Variants in ITGA8 observed in about 807,000 individuals in gnomAD.
ITGA8 encodes integrin alpha-8.
Under a neutral mutation model 142.3 loss-of-function variants are expected in ITGA8, and 91 were observed. That is an observed-to-expected ratio of 0.64 (90% confidence interval 0.54 to 0.76). The LOEUF (loss-of-function observed/expected upper bound fraction) is 0.76, where lower values mean the gene tolerates loss of function less well. Ranked by LOEUF, ITGA8 falls within the 30% of genes least tolerant of loss-of-function variation. ITGA8 has a pLI of 0.00. For synonymous variants in ITGA8, 505 were observed against 485.2 expected, an observed-to-expected ratio of 1.04 and a Z score of -0.54; for missense variants, 1,406 against 1,327.7, an observed-to-expected ratio of 1.06 and a Z score of -0.92.
chr10:15,652,104 A>G (rs912707963), intron 11 of ITGA8, among the ~76,000 whole-genome samples: 2 of 152,250 alleles, frequency 1.3e-5, no homozygotes, highest in African/African-American at 4.8e-5. Context: ...TTACTTTATA[A>G]CAGTTCTGTG....
chr10:15,657,044 CATAG>C (rs1564395077), intron 10 of ITGA8, among the ~76,000 whole-genome samples: 1 of 152,174 alleles, frequency 6.6e-6, no homozygotes, highest in Non-Finnish European at 1.5e-5. Context: ...CTGTTCCAAA[CATAG>C]ATAGTGAAAT....
In ITGA8 at chr10:15,606,415, G is replaced by T. The variant is rs762326634; in HGVS notation, c.1772C>A (p.Thr591Asn). 6.3e-7 allele frequency: 1 copy of T among 1,590,124 alleles called. No individual in the cohort carries two copies. The highest frequency in any genetic ancestry group is 1.7e-5 in the Admixed American group (1 of 59,470). ...QDFIVYLRDE[T>N]EFRDKLSPIN... ...TGGAGATAATTTATCTCGGAATTCA[G>T]TTTCATCCTAGGAAAAATAATCACA... Residue 591 changes from threonine to asparagine, a missense_variant, in exon 18 of 30, where the codon ACT becomes AAT. Thr to Asn is a moderately conservative substitution (Grantham distance 65). Transcript: ENST00000378076.
At position 15,517,030 on chromosome 10, in the gene ITGA8, C is replaced by CATTAAA; in HGVS notation, c.*127_*128insTTTAAT. On this transcript the variant is annotated 3_prime_UTR_variant, in exon 30 of 30. Coordinates refer to ENST00000378076, the MANE Select transcript of ITGA8 (RefSeq NM_003638.3). ...GTGCGGTGTAGATGAGGTGATGTTT[C>CATTAAA]CAGGGTCCCCTCCATTTCCTGGGTC... is the stretch of plus-strand genomic sequence containing the variant. 1 of 579,488 alleles carries CATTAAA rather than the reference C, an allele frequency of 1.7e-6. No individual in the cohort carries two copies. The highest frequency in any genetic ancestry group is 2.9e-6 in the Non-Finnish European group (1 of 348,256). 35.9% of individuals were successfully genotyped at this position (579,488 alleles called of 1,614,324 possible).
chr10:15,656,800 G>C (rs1002231488), intron 10 of ITGA8, among the ~76,000 whole-genome samples: 1 of 152,158 alleles, frequency 6.6e-6, no homozygotes, highest in Non-Finnish European at 1.5e-5. Flanking sequence ...GCCATGCAAT[G>C]TTTGAAGTGA....
At chr10:15,655,968 C>T (rs1834176491) in intron 10 of ITGA8, among the ~76,000 whole-genome samples, 1 of 152,078 alleles carries the variant, frequency 6.6e-6, no homozygotes, top group Non-Finnish European at 1.5e-5. Flanking sequence ...CGTGTAGTCC[C>T]AGCTAACTGT....
intron 23 of ITGA8, among the ~76,000 whole-genome samples, chr10:15,581,821 A>C (rs1297809826): frequency 6.6e-6 from 1 of 152,218 alleles, no homozygotes; most frequent in Non-Finnish European, 1.5e-5. Context: ...TACATACATC[A>C]ATAGAAGAGA....
At chr10:15,648,713 A>G (rs1444493523) in intron 11 of ITGA8, among the ~76,000 whole-genome samples, 3 of 152,086 alleles carry the variant, frequency 2.0e-5, no homozygotes, top group Admixed American at 2.0e-4. Flanking sequence ...AGTCTACAAG[A>G]CACTCCAACA....
chr10:15,677,281 A>G (rs1390998071), intron 6 of ITGA8, among the ~76,000 whole-genome samples: 1 of 152,192 alleles, frequency 6.6e-6, no homozygotes, highest in East Asian at 1.9e-4. Context: ...AATAGCTAGA[A>G]GAGATTTAAA....
At chr10:15,555,392 G>A (rs1436633515) in intron 26 of ITGA8, among the ~76,000 whole-genome samples, 2 of 152,156 alleles carry the variant, frequency 1.3e-5, no homozygotes, top group Non-Finnish European at 2.9e-5. Flanking sequence ...CAGATGAGCT[G>A]GTATTATGCT....
At chr10:15,719,036 G>C in intron 1 of ITGA8, 137 bp from the exon 2 acceptor site, 1 of 1,312,388 alleles carries the variant, frequency 7.6e-7, no homozygotes, top group Non-Finnish European at 1.0e-6. Flanking sequence ...AGGACCGACT[G>C]TCAAACTTGA....
intron 27 of ITGA8, among the ~76,000 whole-genome samples, chr10:15,534,892 C>T (rs1328343571): frequency 2.0e-5 from 3 of 152,188 alleles, no homozygotes; most frequent in Non-Finnish European, 4.4e-5. Flanking sequence ...CTTCAGCCCG[C>T]GGCTGCACTG....
intron 21 of ITGA8, among the ~76,000 whole-genome samples, chr10:15,596,068 G>C (rs1833007275): frequency 6.6e-6 from 1 of 152,036 alleles, no homozygotes; most frequent in Non-Finnish European, 1.5e-5. Flanking sequence ...AAATAAAATA[G>C]GCGGTTGGAT....
chr10:15,591,199 G>T (rs925382680), intron 22 of ITGA8, among the ~76,000 whole-genome samples: 33 of 151,892 alleles, frequency 2.2e-4, no homozygotes, highest in African/African-American at 7.7e-4. Flanking sequence ...TGTGGATACT[G>T]ACTTCATATT....
chr10:15,575,589 G>T lies in ITGA8; in HGVS notation c.2378C>A (p.Ser793Ter). Reference protein sequence around the residue: ...AVAQVEIRGVSHPPQIVLPIH... With the variant: ...AVAQVEIRGV ...GGGCAGAACAATCTGCGGAGGGTGTGACACTCTGAAACATGAAATGTCCTG... is the reference window on the plus strand; with the variant it reads ...GGGCAGAACAATCTGCGGAGGGTGTTACACTCTGAAACATGAAATGTCCTG... The change falls in exon 24 of 30, where the codon TCA becomes TAA. Residue 793 changes from serine (S) to a stop codon, truncating the protein, a stop_gained. Transcript: ENST00000378076. LOFTEE classifies it high-confidence loss of function. 6.2e-7 allele frequency: 1 copy of T among 1,612,796 alleles called. No homozygotes were observed. Among genetic ancestry groups the T allele is most frequent in the South Asian group, 1.1e-5 (1 of 91,032 alleles).
intron 23 of ITGA8, among the ~76,000 whole-genome samples, chr10:15,585,301 C>A (rs2131591208): frequency 6.6e-6 from 1 of 152,294 alleles, no homozygotes; most frequent in South Asian, 2.1e-4. Flanking sequence ...CTAGTTTAAC[C>A]TTCAACTCCT....
intron 15 of ITGA8, among the ~76,000 whole-genome samples, chr10:15,610,394 G>A (rs1405730861): frequency 6.6e-6 from 1 of 152,020 alleles, no homozygotes; most frequent in Non-Finnish European, 1.5e-5. Context: ...AGTATACTTG[G>A]GTCATTAGGG....
At chr10:15,573,038 G>A (rs9333207) in intron 24 of ITGA8, among the ~76,000 whole-genome samples, 2 of 152,090 alleles carry the variant, frequency 1.3e-5, no homozygotes, top group Admixed American at 1.3e-4. Flanking sequence ...TTATTCCAGT[G>A]TTTTAAAAAT....
At chr10:15,717,814 C>A (rs1835481146) in intron 2 of ITGA8, among the ~76,000 whole-genome samples, 1 of 152,178 alleles carries the variant, frequency 6.6e-6, no homozygotes, top group Non-Finnish European at 1.5e-5. Flanking sequence ...CATCATCCAG[C>A]CAATTTCATC....
At chr10:15,558,341 AGT>A (rs1833920375) in intron 25 of ITGA8, 139 bp from the exon 26 acceptor site, 2 of 949,524 alleles carry the variant, frequency 2.1e-6, no homozygotes, top group Admixed American at 2.5e-5. Context: ...GATTACCAGC[AGT>A]GTGTTTAACA....
Sources: gnomAD v4.1 joint callset for allele counts (sites outside exome capture counted in the v4.1 genomes callset) on GRCh38, gnomAD v4.1.1 for gene constraint, MANE v1.5 for transcripts, NCBI Gene and HGNC (gene_info 2026-07-23, HGNC 2026-07-21) for gene names.